The following STON2 variants were observed in gnomAD, a reference collection of about 807,000 sequenced individuals.
STON2 encodes the protein stonin 2.
A neutral mutation model predicts 65.7 loss-of-function variants in STON2; 29 were observed. That is an observed-to-expected ratio of 0.44 (90% confidence interval 0.33 to 0.60). The LOEUF (loss-of-function observed/expected upper bound fraction) is 0.60, where lower values mean the gene tolerates loss of function less well. Ranked by LOEUF, STON2 falls within the 20% of genes least tolerant of loss-of-function variation. The probability of loss-of-function intolerance (pLI) is 0.03; values close to 1 mark genes in which losing one functional copy is unlikely to be tolerated. For synonymous variants in STON2, 404 were observed against 414.2 expected, an observed-to-expected ratio of 0.98 and a Z score of 0.30; for missense variants, 1,054 against 1,118.1, an observed-to-expected ratio of 0.94 and a Z score of 0.82.
chr14:81,414,721 C>T (rs1901340686), intron 2 of STON2, among the ~76,000 whole-genome samples: 1 of 151,902 alleles, frequency 6.6e-6, no homozygotes, highest in African/African-American at 2.4e-5. Flanking sequence ...GAGAAGGTAC[C>T]AGGAATGACA....
At position 81,370,989 on chromosome 14, in the gene STON2, A is replaced by T. The variant is rs1332561219; in HGVS notation, c.570T>A (p.Thr190=). ...CTCTGGCTTAGAGCTCCATCTTACC[A>T]GTTGAGTCAGCCCCAGAAGCCTGGC... ...TSGQASGADS[T]DKRTEWQTGR... The change falls in exon 4 of 8, where the codon ACT becomes ACA. Residue 190 remains threonine, a splice_region_variant and synonymous_variant. Coordinates refer to ENST00000614646, the MANE Select transcript of STON2 (RefSeq NM_001394390.1). 5.6e-6 allele frequency: 9 copies of T among 1,612,156 alleles called. No individual in the cohort carries two copies. Among genetic ancestry groups the T allele is most frequent in the Admixed American group, 1.7e-5 (1 of 60,002 alleles).
chr14:81,406,677 G>A (rs538044152), intron 2 of STON2, among the ~76,000 whole-genome samples: 56 of 152,234 alleles, frequency 3.7e-4, no homozygotes, highest in East Asian at 2.5e-3. Context: ...TTAATAAGAC[G>A]TTAACGAGCT....
At chr14:81,306,235 T>A (rs868465767) in intron 5 of STON2, among the ~76,000 whole-genome samples, 11,567 of 133,586 alleles carry the variant, frequency 0.087, 741 homozygotes, top group Non-Finnish European at 0.11. Flanking sequence ...TTTTTTTTTT[T>A]TTTTTTTTTT....
At chr14:81,316,454 C>A (rs1359770530) in intron 5 of STON2, among the ~76,000 whole-genome samples, 1 of 152,084 alleles carries the variant, frequency 6.6e-6, no homozygotes. Context: ...AGTAGGGAGG[C>A]GGGGTTTCTT....
intron 3 of STON2, among the ~76,000 whole-genome samples, chr14:81,380,348 G>C (rs1273363391): frequency 6.6e-6 from 1 of 152,190 alleles, no homozygotes; most frequent in Admixed American, 6.5e-5. Flanking sequence ...AATAGATGCT[G>C]TTGAGGTTGC....
At chr14:81,367,340 C>A (rs1179019486) in intron 4 of STON2, among the ~76,000 whole-genome samples, 2 of 152,076 alleles carry the variant, frequency 1.3e-5, no homozygotes, top group Non-Finnish European at 2.9e-5. Context: ...CTATGCCCAG[C>A]TAATTTTTGT....
chr14:81,262,942 T>C lies in STON2; in HGVS notation c.*5472A>G. The C allele has an allele frequency of 3.0e-6, 3 of 985,392 alleles. No individual in the cohort carries two copies. The highest frequency in any genetic ancestry group is 3.6e-6 in the Non-Finnish European group (3 of 829,928). 61.0% of individuals were successfully genotyped at this position (985,392 alleles called of 1,614,324 possible). ...AGTCTCATTTAAACAAGATAAGAAA[T>C]GGTTTGTGGGGAATTAGCACTTAGA... On this transcript the variant is annotated 3_prime_UTR_variant, in exon 8 of 8. Coordinates refer to ENST00000614646, the MANE Select transcript of STON2 (RefSeq NM_001394390.1).
At chr14:81,406,615 A>G (rs1361083524) in intron 2 of STON2, among the ~76,000 whole-genome samples, 1 of 152,130 alleles carries the variant, frequency 6.6e-6, no homozygotes, top group Non-Finnish European at 1.5e-5. Context: ...TGAGAACATG[A>G]TCCTTACCCC....
intron 5 of STON2, among the ~76,000 whole-genome samples, chr14:81,319,620 T>C (rs1281913360): frequency 6.6e-6 from 1 of 151,394 alleles, no homozygotes; most frequent in Non-Finnish European, 1.5e-5. Context: ...AATCACTGCA[T>C]CTTTCAGTAA....
intron 2 of STON2, among the ~76,000 whole-genome samples, chr14:81,426,416 G>A (rs1901977202): frequency 1.3e-5 from 2 of 152,162 alleles, no homozygotes; most frequent in South Asian, 2.1e-4. Flanking sequence ...CCCTTCTCCA[G>A]CTGTTAAATA....
chr14:81,286,618 T>C lies in STON2; in HGVS notation c.743-7879A>G, dbSNP rs146615114. Reference sequence around the variant, plus strand: ...ACAAAAAAATATGTGTGACTTGCTCTACTGCAATCCTTGCTTTATTGCAGT... The same window carrying C: ...ACAAAAAAATATGTGTGACTTGCTCCACTGCAATCCTTGCTTTATTGCAGT... On this transcript the variant is annotated intron_variant, in intron 5 of 7. Coordinates refer to ENST00000614646, the MANE Select transcript of STON2 (RefSeq NM_001394390.1). 1.6e-3 allele frequency among the ~76,000 whole-genome samples: 240 copies of C among 152,384 alleles called. 1 individual carries two copies. Among genetic ancestry groups the C allele is most frequent in the Non-Finnish European group, 2.8e-3 (191 of 68,034 alleles).
intron 4 of STON2, among the ~76,000 whole-genome samples, chr14:81,361,927 A>G (rs1343953424): frequency 6.6e-6 from 1 of 152,204 alleles, no homozygotes; most frequent in Non-Finnish European, 1.5e-5. Context: ...AATGCAAATT[A>G]AAACCACCAT....
At chr14:81,291,866 C>T (rs1183396116) in intron 5 of STON2, among the ~76,000 whole-genome samples, 1 of 124,926 alleles carries the variant, frequency 8.0e-6, no homozygotes, top group African/African-American at 3.8e-5. Context: ...GGTACACACA[C>T]ACACACACAC....
chr14:81,435,264 AT>A (rs1344459374), intron 1 of STON2, among the ~76,000 whole-genome samples: 2 of 152,072 alleles, frequency 1.3e-5, no homozygotes, highest in Non-Finnish European at 2.9e-5. Flanking sequence ...TAATAATAGC[AT>A]TTTTTTCCTT....
At chr14:81,416,213 A>T (rs1901424127) in intron 2 of STON2, among the ~76,000 whole-genome samples, 1 of 152,136 alleles carries the variant, frequency 6.6e-6, no homozygotes, top group Admixed American at 6.5e-5. Flanking sequence ...CCTTTTCATG[A>T]ATAATAAGCG....
At chr14:81,308,280 T>C (rs2140204140) in intron 5 of STON2, among the ~76,000 whole-genome samples, 1 of 152,266 alleles carries the variant, frequency 6.6e-6, no homozygotes, top group Admixed American at 6.5e-5. Context: ...CTCAGTTCAC[T>C]GCAACCTCTG....
chr14:81,426,931 T>C (rs181961277), intron 2 of STON2, among the ~76,000 whole-genome samples: 1 of 152,366 alleles, frequency 6.6e-6, no homozygotes, highest in Admixed American at 6.5e-5. Flanking sequence ...GCTTTATTTT[T>C]ATGTGCTATT....
At chr14:81,332,019 A>G (rs1897234438) in intron 4 of STON2, among the ~76,000 whole-genome samples, 1 of 152,214 alleles carries the variant, frequency 6.6e-6, no homozygotes, top group Admixed American at 6.5e-5. Flanking sequence ...GGTCATAAAC[A>G]TATTTATGGG....
intron 5 of STON2, among the ~76,000 whole-genome samples, chr14:81,309,087 TA>T (rs1222111739): frequency 5.8e-4 from 29 of 50,044 alleles, no homozygotes; most frequent in African/African-American, 1.2e-3. Flanking sequence ...CAAAATTCTA[TA>T]AAAAAAAAAA....
Sources: allele counts gnomAD v4.1 joint callset (sites outside exome capture counted in the v4.1 genomes callset), GRCh38; gene constraint gnomAD v4.1.1; transcripts MANE v1.5; gene names NCBI Gene and HGNC (gene_info 2026-07-23, HGNC 2026-07-21).